Variants in ANKFY1 observed in about 807,000 individuals in gnomAD.
The protein encoded by ANKFY1 is ankyrin repeat and FYVE domain-containing protein 1.
Under a neutral mutation model 128.3 loss-of-function variants are expected in ANKFY1, and 47 were observed. That is an observed-to-expected ratio of 0.37 (90% CI 0.29 to 0.47). ANKFY1 has a LOEUF of 0.47. Among genes scored for constraint, ANKFY1 ranks in the 20% least tolerant of loss-of-function variants. The probability of loss-of-function intolerance (pLI) is 1.00; values close to 1 mark genes in which losing one functional copy is unlikely to be tolerated. For synonymous variants in ANKFY1, 553 were observed against 601.6 expected (o/e 0.92, Z 1.18); for missense variants, 1,222 against 1,510.6 (o/e 0.81, Z 3.17).
At chr17:4,173,598 CA>C (rs1372577174) in intron 20 of ANKFY1, among the ~76,000 whole-genome samples, 154 bp from the exon 21 acceptor site, 1 of 152,254 alleles carries the variant, frequency 6.6e-6, no homozygotes, top group African/African-American at 2.4e-5. Context: ...TCACCGCCCT[CA>C]AGGATGCATC....
intron 22 of ANKFY1, among the ~76,000 whole-genome samples, chr17:4,172,045 A>G (rs1203156176): frequency 6.6e-6 from 1 of 152,126 alleles, no homozygotes; most frequent in African/African-American, 2.4e-5. Flanking sequence ...TCACCGGAAA[A>G]GCTAGGAGGG....
chr17:4,201,640 C>T (rs1014753132), intron 7 of ANKFY1, among the ~76,000 whole-genome samples: 1 of 152,170 alleles, frequency 6.6e-6, no homozygotes, highest in Non-Finnish European at 1.5e-5. Flanking sequence ...GGTAACTTAA[C>T]AATTTTCCAG....
At chr17:4,172,484 G>A (rs2059339409) in intron 22 of ANKFY1, 72 bp downstream of exon 22, 2 of 1,572,640 alleles carry the variant, frequency 1.3e-6, no homozygotes, top group Non-Finnish European at 1.7e-6. Flanking sequence ...AACGACGTGT[G>A]CCTGGGCTCT....
intron 2 of ANKFY1, among the ~76,000 whole-genome samples, chr17:4,238,853 G>A (rs911452265): frequency 6.6e-6 from 1 of 152,048 alleles, no homozygotes; most frequent in Non-Finnish European, 1.5e-5. Flanking sequence ...TCCACCTTCG[G>A]GTTCAAGCAA....
intron 10 of ANKFY1, among the ~76,000 whole-genome samples, chr17:4,192,478 G>T (rs1230576863): frequency 6.6e-6 from 1 of 150,862 alleles, no homozygotes; most frequent in African/African-American, 2.5e-5. Flanking sequence ...CTAGTTGATG[G>T]TTACTCTAAT....
chr17:4,224,221 T>G (rs1032423549), intron 3 of ANKFY1, among the ~76,000 whole-genome samples: 2 of 130,012 alleles, frequency 1.5e-5, no homozygotes, highest in African/African-American at 2.9e-5. Flanking sequence ...GAAGTTTTTT[T>G]TTTTTTTTTT....
intron 4 of ANKFY1, 140 bp downstream of exon 4, chr17:4,216,843 T>A: frequency 8.4e-7 from 1 of 1,184,830 alleles, no homozygotes; most frequent in Middle Eastern, 1.9e-4. Context: ...GGAGGTAACA[T>A]CTGTCCCCAG....
chr17:4,236,728 A>G (rs1966926690), intron 2 of ANKFY1, among the ~76,000 whole-genome samples: 1 of 152,126 alleles, frequency 6.6e-6, no homozygotes, highest in African/African-American at 2.4e-5. Flanking sequence ...TTCATATTCA[A>G]CTTTAAAATT....
chr17:4,209,897 A>G lies in ANKFY1; in HGVS notation c.509T>C (p.Phe170Ser). Reference protein sequence around the residue: ...SLVNVRNCIRFYQTAEELNAS... With the variant: ...SLVNVRNCIRSYQTAEELNAS... Reference sequence around the variant, plus strand: ...ATTCAGCTCCTCTGCCGTCTGGTAGAAGCGAATACAGTTCCTGACATTCAC... The same window carrying G: ...ATTCAGCTCCTCTGCCGTCTGGTAGGAGCGAATACAGTTCCTGACATTCAC... The change falls in exon 5 of 25, where the codon TTC (phenylalanine) becomes TCC (serine). Residue 170 changes from phenylalanine (F) to serine (S), a missense_variant. Coordinates refer to ENST00000341657, the MANE Select transcript of ANKFY1 (RefSeq NM_001330063.2). The G allele has an allele frequency of 6.2e-7, 1 of 1,614,034 alleles. No homozygotes were observed. Among genetic ancestry groups the G allele is most frequent in the Non-Finnish European group, 8.5e-7 (1 of 1,179,906 alleles).
At position 4,178,909 on chromosome 17, in the gene ANKFY1, T is replaced by C. The variant is rs1430901577; in HGVS notation, c.2546A>G (p.Asn849Ser). The C allele has an allele frequency of 1.1e-5, 17 of 1,614,112 alleles. No homozygotes were observed. The highest frequency in any genetic ancestry group is 2.2e-5 in the East Asian group (1 of 44,904). ...TPFACAMTFK[N>S]NKSAEAILKR... ...GAGAATGGCCTCGGCTGACTTGTTG[T>C]TCTTGAAAGTCATGGCACAGGCAAA... The change falls in exon 18 of 25, where the codon AAC (asparagine) becomes AGC (serine). Residue 849 changes from asparagine (N) to serine (S), a missense_variant. Asn to Ser is a conservative substitution (Grantham distance 46). Coordinates refer to ENST00000341657, the MANE Select transcript of ANKFY1 (RefSeq NM_001330063.2). This position sits in a 1 kb window ranked among gnomAD's most constrained non-coding sequence, Gnocchi z 4.1.
At chr17:4,197,055 G>T (rs1325353549) in intron 8 of ANKFY1, among the ~76,000 whole-genome samples, 1 of 152,154 alleles carries the variant, frequency 6.6e-6, no homozygotes, top group Non-Finnish European at 1.5e-5. Context: ...GGAGGTAGAG[G>T]CTGCAGTGAG....
chr17:4,179,163 A>G (rs2059463321), intron 17 of ANKFY1, 106 bp from the exon 18 acceptor site: 12 of 1,213,350 alleles, frequency 9.9e-6, no homozygotes, highest in Non-Finnish European at 1.4e-5. Flanking sequence ...AGAATCGATC[A>G]ATACTACCAC....
intron 19 of ANKFY1, among the ~76,000 whole-genome samples, chr17:4,176,012 G>C (rs2059405890): frequency 2.0e-5 from 3 of 152,158 alleles, no homozygotes; most frequent in Non-Finnish European, 4.4e-5. Context: ...TGATGAACAC[G>C]AGGCCGATTC....
In ANKFY1 at chr17:4,224,591, A is replaced by C. The variant is rs193007735; in HGVS notation, c.323-7473T>G. Among the ~76,000 whole-genome samples the C allele has an allele frequency of 3.5e-3, 540 of 152,306 alleles. 10 individuals carry two copies. Among genetic ancestry groups the C allele is most frequent in the Admixed American group, 0.025 (376 of 15,294 alleles). On this transcript the variant is annotated intron_variant, in intron 3 of 24. Coordinates refer to ENST00000341657, the MANE Select transcript of ANKFY1 (RefSeq NM_001330063.2). ...GCAATATGAGAGGAAGAAAATTTAA[A>C]GAAAAGCTAGAGGAAAAAAAATTTT... is the stretch of plus-strand genomic sequence containing the variant.
chr17:4,209,101 A>G (rs1023773518), intron 5 of ANKFY1, among the ~76,000 whole-genome samples: 7 of 152,096 alleles, frequency 4.6e-5, no homozygotes, highest in Non-Finnish European at 8.8e-5. Flanking sequence ...TGATGAAACA[A>G]CCTAAGAAAG....
Position 4,169,199 on chromosome 17 carries a change from A to G in ANKFY1, c.3376T>C (p.Cys1126Arg). The stretch of plus-strand genomic sequence containing the variant: ...TTGCCAGTGACGCTGGGGTCTTACC[A>G]GTGGTGTTTGCGAGTGGTGACTCCG... Reference protein sequence around the residue: ...RFGVTTRKHHCRHCGRLLCHK... With the variant: ...RFGVTTRKHHRRHCGRLLCHK... Residue 1126 changes from cysteine (C) to arginine (R), a missense_variant and splice_region_variant, in exon 24 of 25, where the codon TGT becomes CGT. Cys to Arg is a radical substitution (Grantham distance 180). Coordinates refer to ENST00000341657, the MANE Select transcript of ANKFY1 (RefSeq NM_001330063.2). The surrounding 1 kb of genome is among the most constrained non-coding windows in gnomAD (Gnocchi z 5.0). The G allele has an allele frequency of 6.4e-7, 1 of 1,551,686 alleles. No individual in the cohort carries two copies. Among genetic ancestry groups the G allele is most frequent in the Non-Finnish European group, 8.7e-7 (1 of 1,146,906 alleles).
chr17:4,172,727 T>A lies in ANKFY1; in HGVS notation c.3015-47A>T, dbSNP rs754516258. On this transcript the variant is annotated intron_variant, in intron 21 of 24. Coordinates refer to ENST00000341657, the MANE Select transcript of ANKFY1 (RefSeq NM_001330063.2). Reference sequence around the variant, plus strand: ...GTTAGGAATGTATCTGCCATGGCCATCACACACAAAATAAATAGAATTTTC... The same window carrying A: ...GTTAGGAATGTATCTGCCATGGCCAACACACACAAAATAAATAGAATTTTC... 3.1e-6 allele frequency: 5 copies of A among 1,604,412 alleles called. No homozygotes were observed. The South Asian group carries it at 4.4e-5, about 14-fold the overall frequency.
intron 14 of ANKFY1, among the ~76,000 whole-genome samples, chr17:4,183,044 C>T (rs1014338085): frequency 2.0e-5 from 3 of 152,160 alleles, no homozygotes; most frequent in East Asian, 3.9e-4. Flanking sequence ...AGGTGGAGGC[C>T]GCAGTGAGCC....
intron 15 of ANKFY1, 90 bp downstream of exon 15, chr17:4,182,091 G>A (rs2059526356): frequency 1.6e-6 from 2 of 1,250,472 alleles, no homozygotes; most frequent in Admixed American, 2.9e-5. Context: ...GACAGATCTT[G>A]CTCCTGTGAC....
Sources: allele counts gnomAD v4.1 joint callset (sites outside exome capture counted in the v4.1 genomes callset), GRCh38; gene constraint gnomAD v4.1.1; non-coding constraint Gnocchi (gnomAD v3.1); transcripts MANE v1.5; gene names NCBI Gene and HGNC (gene_info 2026-07-23, HGNC 2026-07-21).